The following KIAA1217 variants were observed in gnomAD, a reference collection of about 807,000 sequenced individuals.
KIAA1217 encodes KIAA1217.
A neutral mutation model predicts 163.9 loss-of-function variants in KIAA1217; 88 were observed. The ratio of observed to expected loss-of-function variants is 0.54; its 90% CI spans 0.45 to 0.64. KIAA1217 has a LOEUF of 0.64. Ranked by LOEUF, KIAA1217 falls within the 30% of genes least tolerant of loss-of-function variation. The pLI, the probability that KIAA1217 is intolerant of heterozygous loss-of-function variation, is 0.00. For synonymous variants in KIAA1217, 903 were observed against 923.1 expected, an observed-to-expected ratio of 0.98 and a Z score of 0.39; for missense variants, 2,372 against 2,475.0, an observed-to-expected ratio of 0.96 and a Z score of 0.88.
At chr10:23,742,710 C>T (rs981218730) in intron 1 of KIAA1217, among the ~76,000 whole-genome samples, 38 of 152,172 alleles carry the variant, frequency 2.5e-4, no homozygotes, top group Non-Finnish European at 1.5e-4. Flanking sequence ...ACACCTCCCA[C>T]CAAGCCCCAC....
intron 1 of KIAA1217, among the ~76,000 whole-genome samples, chr10:23,842,738 A>T (rs190375932): frequency 6.6e-6 from 1 of 152,142 alleles, no homozygotes; most frequent in African/African-American, 2.4e-5. Context: ...ACATTAAGTC[A>T]TCTCTGTTGA....
chr10:24,171,799 T>A (rs2065641973), intron 2 of KIAA1217, among the ~76,000 whole-genome samples: 1 of 151,642 alleles, frequency 6.6e-6, no homozygotes, highest in African/African-American at 2.4e-5. Flanking sequence ...AAAAAGTAAA[T>A]AAATAAATAA....
chr10:24,326,385 A>AT (rs981153638), intron 2 of KIAA1217, among the ~76,000 whole-genome samples: 2 of 151,972 alleles, frequency 1.3e-5, no homozygotes, highest in East Asian at 1.9e-4. Flanking sequence ...AAAACTTGCT[A>AT]TTTTTTTTAA....
intron 1 of KIAA1217, among the ~76,000 whole-genome samples, chr10:23,824,488 C>CGTG (rs1564453477): frequency 1.8e-4 from 27 of 148,390 alleles, no homozygotes; most frequent in South Asian, 4.3e-4. Context: ...ATTAGCTCAG[C>CGTG]ATGGTGACAT....
intron 2 of KIAA1217, among the ~76,000 whole-genome samples, chr10:24,014,260 T>C (rs1847376652): frequency 6.6e-6 from 1 of 152,188 alleles, no homozygotes. Context: ...TGGACTTTAA[T>C]AATCTATTTA....
rs377498776 is a variant in KIAA1217, at chr10:24,440,728, A to C, written c.846+2249A>C. Among the ~76,000 whole-genome samples, 25 of 152,334 alleles carry C rather than the reference A, an allele frequency of 1.6e-4. No individual in the cohort carries two copies. In the East Asian group the frequency reaches 4.1e-3, roughly 25 times the overall value. ...CTCATTTTGTGTGTGTGAGAAACTC[A>C]ATCATTGTCCCCAAATGAAGGGACA... On this transcript the variant is annotated intron_variant, in intron 5 of 20. Coordinates refer to ENST00000376454, the MANE Select transcript of KIAA1217 (RefSeq NM_019590.5).
chr10:24,221,100 C>T lies in KIAA1217; in HGVS notation c.354+1191C>T, dbSNP rs369485307. On this transcript the variant is annotated intron_variant, in intron 2 of 20. Transcript: ENST00000376454. ...ATCACAGATGTGCTCCTTCTGCATG[C>T]GTTGCTTTGTGCTAGCTTTCTGTCT... Among the ~76,000 whole-genome samples the T allele has an allele frequency of 2.2e-4, 33 of 152,196 alleles. 3 individuals carry two copies. Among genetic ancestry groups the T allele is most frequent in the South Asian group, 1.7e-3 (8 of 4,824 alleles).
At chr10:23,913,577 G>T (rs2131274236) in intron 1 of KIAA1217, among the ~76,000 whole-genome samples, 1 of 152,206 alleles carries the variant, frequency 6.6e-6, no homozygotes, top group Middle Eastern at 3.4e-3. Flanking sequence ...ACCGGGGCTA[G>T]AATGGAGGGG....
intron 10 of KIAA1217, among the ~76,000 whole-genome samples, chr10:24,518,419 G>A (rs545982458): frequency 3.3e-5 from 5 of 152,122 alleles, no homozygotes; most frequent in African/African-American, 7.2e-5. Context: ...AAGTTTAAGC[G>A]TCTCCGTATG....
chr10:24,356,002 C>T (rs1328316312), intron 2 of KIAA1217, among the ~76,000 whole-genome samples: 1 of 151,916 alleles, frequency 6.6e-6, no homozygotes, highest in African/African-American at 2.4e-5. Flanking sequence ...CCGCCTCGGC[C>T]TCCCAAAGTG....
Position 24,350,096 on chromosome 10 carries a change from C to T in KIAA1217, c.355-30773C>T, listed in dbSNP as rs570920769. Among the ~76,000 whole-genome samples the T allele has an allele frequency of 1.3e-3, 202 of 152,282 alleles. 1 individual carries two copies. Among genetic ancestry groups the T allele is most frequent in the African/African-American group, 4.6e-3 (191 of 41,542 alleles). ...GTATAAATTGCTTTTGTTTTGCCCC[C>T]GTCCCCCAAATCATTTTTTTAAAGA... On this transcript the variant is annotated intron_variant, in intron 2 of 20. Coordinates refer to ENST00000376454, the MANE Select transcript of KIAA1217 (RefSeq NM_019590.5).
At chr10:24,255,482 G>A (rs1172838527) in intron 2 of KIAA1217, 2 of 455,402 alleles carry the variant, frequency 4.4e-6, no homozygotes, top group East Asian at 7.0e-5. Context: ...GATGTTCCAT[G>A]CCACATCTGG....
Position 24,317,578 on chromosome 10 carries a change from T to G in KIAA1217, c.355-63291T>G, listed in dbSNP as rs575306664. On this transcript the variant is annotated intron_variant, in intron 2 of 20. Coordinates refer to ENST00000376454, the MANE Select transcript of KIAA1217 (RefSeq NM_019590.5). ...TAGGTTTGGTGGAAGATCTAAGAAATGTAGTGTGGAACCTCTGAGGTAGGG... is the reference window on the plus strand; with the variant it reads ...TAGGTTTGGTGGAAGATCTAAGAAAGGTAGTGTGGAACCTCTGAGGTAGGG... 5.5e-4 allele frequency among the ~76,000 whole-genome samples: 84 copies of G among 152,200 alleles called. 1 individual carries two copies. The highest frequency in any genetic ancestry group is 7.6e-4 in the Non-Finnish European group (52 of 68,018).
intron 12 of KIAA1217, 66 bp from the exon 13 acceptor site, chr10:24,524,257 C>A (rs1291060025): frequency 3.2e-5 from 48 of 1,517,342 alleles, no homozygotes; most frequent in Non-Finnish European, 4.2e-5. Flanking sequence ...GATGACATAG[C>A]CTGCAAGTAT....
intron 1 of KIAA1217, among the ~76,000 whole-genome samples, chr10:23,881,074 G>A (rs1840927387): frequency 6.6e-6 from 1 of 151,662 alleles, no homozygotes; most frequent in African/African-American, 2.4e-5. Flanking sequence ...CAGAGGAGAG[G>A]AGCACTGGAG....
intron 3 of KIAA1217, among the ~76,000 whole-genome samples, chr10:24,427,307 A>G (rs982740690): frequency 2.4e-4 from 36 of 150,440 alleles, no homozygotes; most frequent in Non-Finnish European, 1.5e-5. Context: ...AGCTGCACCC[A>G]GCACGCTTCA....
intron 2 of KIAA1217, among the ~76,000 whole-genome samples, chr10:24,303,708 T>A (rs2041657988): frequency 6.6e-6 from 1 of 152,222 alleles, no homozygotes; most frequent in South Asian, 2.1e-4. Context: ...TGTTGGACGT[T>A]GAAGGCTGTT....
At chr10:23,709,739 T>C (rs999596750) in intron 1 of KIAA1217, among the ~76,000 whole-genome samples, 1 of 152,166 alleles carries the variant, frequency 6.6e-6, no homozygotes, top group African/African-American at 2.4e-5. Context: ...GTATGGTCCT[T>C]ATTACACCTA....
intron 2 of KIAA1217, among the ~76,000 whole-genome samples, chr10:24,173,856 G>A (rs544127908): frequency 2.2e-4 from 34 of 152,264 alleles, no homozygotes; most frequent in African/African-American, 7.2e-4. Context: ...AAAAAGTCAC[G>A]TTGCCTTTTA....
Sources: gnomAD v4.1 joint callset for allele counts (sites outside exome capture counted in the v4.1 genomes callset) on GRCh38, gnomAD v4.1.1 for gene constraint, MANE v1.5 for transcripts, NCBI Gene and HGNC (gene_info 2026-07-23, HGNC 2026-07-21) for gene names.